Variants in COLEC12 observed in about 807,000 individuals in gnomAD.
COLEC12 encodes collectin-12.
Under a neutral mutation model 71.1 loss-of-function variants are expected in COLEC12, and 33 were observed. The ratio of observed to expected loss-of-function variants is 0.46; its 90% CI spans 0.35 to 0.62. The LOEUF is 0.62. Among genes scored for constraint, COLEC12 ranks in the 20% least tolerant of loss-of-function variants. COLEC12 has a pLI of 0.00. For missense variants in COLEC12, 765 were observed against 916.1 expected, an observed-to-expected ratio of 0.84 and a Z score of 2.13; for synonymous variants, 350 against 353.0, an observed-to-expected ratio of 0.99 and a Z score of 0.10.
chr18:458,359 G>A (rs1219305279), intron 2 of COLEC12, among the ~76,000 whole-genome samples: 1 of 152,222 alleles, frequency 6.6e-6, no homozygotes, highest in African/African-American at 2.4e-5. Context: ...AACAGACACA[G>A]ATCTCTGGTA....
At chr18:331,340 C>T (rs1316052736) in intron 8 of COLEC12, among the ~76,000 whole-genome samples, 6 of 152,182 alleles carry the variant, frequency 3.9e-5, no homozygotes, top group Non-Finnish European at 8.8e-5. Flanking sequence ...GTTGCCTGGG[C>T]TTCATCATCT....
intron 2 of COLEC12, among the ~76,000 whole-genome samples, chr18:416,326 T>G (rs972350992): frequency 6.6e-6 from 1 of 152,134 alleles, no homozygotes; most frequent in Non-Finnish European, 1.5e-5. Flanking sequence ...TGGAGGTGAC[T>G]GAAACACTCA....
At chr18:444,653 G>A (rs1022440007) in intron 2 of COLEC12, among the ~76,000 whole-genome samples, 9 of 152,078 alleles carry the variant, frequency 5.9e-5, no homozygotes, top group Non-Finnish European at 7.4e-5. Flanking sequence ...GTAGGGAGGG[G>A]AGAGAAAAGG....
At chr18:467,195 T>C (rs1917105455) in intron 2 of COLEC12, among the ~76,000 whole-genome samples, 1 of 152,204 alleles carries the variant, frequency 6.6e-6, no homozygotes, top group Non-Finnish European at 1.5e-5. Flanking sequence ...AGGTTAACTA[T>C]TTCCAAAAAG....
At chr18:420,539 C>G (rs1294541886) in intron 2 of COLEC12, among the ~76,000 whole-genome samples, 2 of 152,082 alleles carry the variant, frequency 1.3e-5, no homozygotes, top group Admixed American at 1.3e-4. Context: ...AAAAAATTTT[C>G]TAGGTAAAGC....
chr18:422,101 A>G (rs1916110497), intron 2 of COLEC12, among the ~76,000 whole-genome samples: 1 of 152,180 alleles, frequency 6.6e-6, no homozygotes, highest in South Asian at 2.1e-4. Flanking sequence ...CAGCCCTGTA[A>G]GGTAAGAGTC....
chr18:386,334 C>T (rs1915345344), intron 2 of COLEC12, among the ~76,000 whole-genome samples: 1 of 152,186 alleles, frequency 6.6e-6, no homozygotes, highest in African/African-American at 2.4e-5. Flanking sequence ...AACGTGGTCA[C>T]TGCCATCTTG....
chr18:392,692 T>G (rs1915487894), intron 2 of COLEC12, among the ~76,000 whole-genome samples: 1 of 152,178 alleles, frequency 6.6e-6, no homozygotes, highest in Admixed American at 6.5e-5. Context: ...ACTCCTAAAA[T>G]GTGAGGGCCT....
At chr18:332,958 A>G in intron 7 of COLEC12, 49 bp downstream of exon 7, 1 of 1,490,110 alleles carries the variant, frequency 6.7e-7, no homozygotes, top group Non-Finnish European at 9.0e-7. Context: ...CCAGATGTAA[A>G]CTATCCTTAA....
chr18:351,966 G>C (rs1598335393), intron 3 of COLEC12, among the ~76,000 whole-genome samples: 1 of 152,226 alleles, frequency 6.6e-6, no homozygotes, highest in Middle Eastern at 3.4e-3. Context: ...AGGAATGAGG[G>C]ATTTATTTAA....
At chr18:342,391 C>T (rs1914275788) in intron 5 of COLEC12, among the ~76,000 whole-genome samples, 1 of 152,248 alleles carries the variant, frequency 6.6e-6, no homozygotes, top group African/African-American at 2.4e-5. Flanking sequence ...CAGTCAGCTT[C>T]AGCTCCCAAT....
At chr18:364,627 T>G (rs1914817410) in intron 2 of COLEC12, among the ~76,000 whole-genome samples, 1 of 152,224 alleles carries the variant, frequency 6.6e-6, no homozygotes, top group African/African-American at 2.4e-5. Flanking sequence ...CTCATGAAAA[T>G]GCAGCTCTAG....
intron 1 of COLEC12, among the ~76,000 whole-genome samples, chr18:493,180 T>C (rs1917649911): frequency 6.6e-6 from 1 of 152,086 alleles, no homozygotes; most frequent in South Asian, 2.1e-4. Context: ...GCTCAAGGGA[T>C]CCTCCCACCT....
chr18:388,507 G>A (rs1022262733), intron 2 of COLEC12, among the ~76,000 whole-genome samples: 3 of 152,156 alleles, frequency 2.0e-5, no homozygotes, highest in African/African-American at 4.8e-5. Context: ...TTTATGAAAC[G>A]ATTCACTTGT....
At chr18:488,075 A>T (rs1303757387) in intron 1 of COLEC12, among the ~76,000 whole-genome samples, 1 of 152,216 alleles carries the variant, frequency 6.6e-6, no homozygotes, top group African/African-American at 2.4e-5. Flanking sequence ...GATAAGAGAA[A>T]ATAATATATC....
intron 2 of COLEC12, among the ~76,000 whole-genome samples, chr18:374,957 TC>T (rs1915081520): frequency 1.3e-5 from 2 of 152,180 alleles, no homozygotes; most frequent in Non-Finnish European, 2.9e-5. Flanking sequence ...TGGGGAAAGT[TC>T]ATCTGTTGTT....
intron 8 of COLEC12, among the ~76,000 whole-genome samples, 167 bp from the exon 9 acceptor site, chr18:321,974 G>GCTGTTTTGCAGCTGCT (rs779530021): frequency 4.6e-5 from 7 of 152,210 alleles, no homozygotes; most frequent in Non-Finnish European, 1.0e-4. Flanking sequence ...GAAAGGAGCA[G>GCTGTTTTGCAGCTGCT]CTGTTTTGCA....
At position 389,585 on chromosome 18, in the gene COLEC12, G is replaced by A. The variant is rs546836806; in HGVS notation, c.59-32063C>T. ...TGAGCCACCGAGCCCAGCCCACTGT[G>A]CAGCAATTTTTTTAAAAAAAGATAT... is the stretch of plus-strand genomic sequence containing the variant. On this transcript the variant is annotated intron_variant, in intron 2 of 9. Transcript: ENST00000400256. 2.6e-5 allele frequency among the ~76,000 whole-genome samples: 4 copies of A among 151,602 alleles called. No individual in the cohort carries two copies. In the South Asian group the frequency reaches 8.4e-4, roughly 32 times the overall value.
chr18:489,726 T>C (rs1917585617), intron 1 of COLEC12, among the ~76,000 whole-genome samples: 1 of 152,106 alleles, frequency 6.6e-6, no homozygotes, highest in South Asian at 2.1e-4. Context: ...GTCACAATAA[T>C]ATCAACACTG....
Sources: gnomAD v4.1 joint callset for allele counts (sites outside exome capture counted in the v4.1 genomes callset) on GRCh38, gnomAD v4.1.1 for gene constraint, MANE v1.5 for transcripts, NCBI Gene and HGNC (gene_info 2026-07-23, HGNC 2026-07-21) for gene names.